Variants in ITGA9 observed in about 807,000 individuals in gnomAD.
The protein encoded by ITGA9 is integrin alpha-9.
Under a neutral mutation model 127.8 loss-of-function variants are expected in ITGA9, and 56 were observed. The ratio of observed to expected loss-of-function variants is 0.44; its 90% CI spans 0.35 to 0.55. The LOEUF (loss-of-function observed/expected upper bound fraction) is 0.55. ITGA9 is among the 20% of genes least tolerant of loss of function. The pLI is 0.00. For synonymous variants in ITGA9, 508 were observed against 514.5 expected (o/e 0.99, Z 0.17); for missense variants, 1,196 against 1,347.1 (o/e 0.89, Z 1.76).
intron 26 of ITGA9, among the ~76,000 whole-genome samples, chr3:37,796,260 A>G (rs1697172336): frequency 6.6e-6 from 1 of 152,036 alleles, no homozygotes; most frequent in Non-Finnish European, 1.5e-5. Context: ...GTTCACTCCC[A>G]TGCCTCTATC....
intron 15 of ITGA9, among the ~76,000 whole-genome samples, chr3:37,596,584 A>G (rs1699872888): frequency 6.6e-6 from 1 of 152,126 alleles, no homozygotes; most frequent in Admixed American, 6.5e-5. Context: ...AGCCCTGAGA[A>G]TGTCCTGCTC....
At chr3:37,726,522 G>A (rs1303238627) in intron 18 of ITGA9, among the ~76,000 whole-genome samples, 1 of 152,246 alleles carries the variant, frequency 6.6e-6, no homozygotes, top group African/African-American at 2.4e-5. Context: ...GAAGGCCAAA[G>A]AGGCTCACTA....
chr3:37,771,121 T>G (rs1304166459), intron 23 of ITGA9, among the ~76,000 whole-genome samples: 1 of 152,124 alleles, frequency 6.6e-6, no homozygotes, highest in Non-Finnish European at 1.5e-5. Context: ...TGAGAAGCAT[T>G]TGGACTCCGG....
At chr3:37,535,930 G>A (rs1699203133) in intron 14 of ITGA9, among the ~76,000 whole-genome samples, 1 of 152,324 alleles carries the variant, frequency 6.6e-6, no homozygotes, top group South Asian at 2.1e-4. Context: ...GCAGTGAAAT[G>A]GAGAGTTTGG....
intron 25 of ITGA9, among the ~76,000 whole-genome samples, chr3:37,783,055 C>T (rs1696996505): frequency 6.6e-6 from 1 of 151,972 alleles, no homozygotes; most frequent in South Asian, 2.1e-4. Context: ...AGAAGAATCG[C>T]TTGAACCTGG....
At chr3:37,722,435 G>A (rs959290620) in intron 18 of ITGA9, among the ~76,000 whole-genome samples, 10 of 152,138 alleles carry the variant, frequency 6.6e-5, no homozygotes, top group African/African-American at 2.2e-4. Flanking sequence ...ACCTCAAAAA[G>A]AACCACCATA....
chr3:37,669,196 A>G (rs1461667852), intron 17 of ITGA9, among the ~76,000 whole-genome samples: 2 of 152,174 alleles, frequency 1.3e-5, no homozygotes. Context: ...GTGCAGGTGC[A>G]CTGCTCCCAG....
chr3:37,738,005 T>C (rs758668040), intron 20 of ITGA9, among the ~76,000 whole-genome samples: 5 of 152,230 alleles, frequency 3.3e-5, no homozygotes, highest in Non-Finnish European at 5.9e-5. Flanking sequence ...AGTATAGTTA[T>C]CACATTCAGG....
intron 18 of ITGA9, among the ~76,000 whole-genome samples, chr3:37,724,502 C>T (rs1244068016): frequency 6.6e-6 from 1 of 152,084 alleles, no homozygotes; most frequent in East Asian, 1.9e-4. Flanking sequence ...AATGCTGTCT[C>T]CTTTTTTTTT....
chr3:37,585,542 A>T (rs77004003), intron 15 of ITGA9: 1 of 495,020 alleles, frequency 2.0e-6, no homozygotes, highest in Non-Finnish European at 4.1e-6. Flanking sequence ...ACAATTAGGG[A>T]GGGATTCTTT....
At chr3:37,501,555 G>C (rs112073166) in intron 5 of ITGA9, among the ~76,000 whole-genome samples, 3 of 152,160 alleles carry the variant, frequency 2.0e-5, no homozygotes, top group Admixed American at 6.5e-5. Context: ...CATCACTTTG[G>C]GAAGTTCCTC....
chr3:37,707,041 T>C (rs1249485252), intron 18 of ITGA9, among the ~76,000 whole-genome samples: 1 of 152,206 alleles, frequency 6.6e-6, no homozygotes, highest in Non-Finnish European at 1.5e-5. Context: ...ACATTAAATC[T>C]AAAAATGTCT....
chr3:37,529,288 G>A (rs1247208267), intron 13 of ITGA9, among the ~76,000 whole-genome samples: 1 of 152,196 alleles, frequency 6.6e-6, no homozygotes, highest in Non-Finnish European at 1.5e-5. Context: ...CCAGATGGTG[G>A]TAGGTGCTGT....
intron 23 of ITGA9, among the ~76,000 whole-genome samples, chr3:37,758,951 T>A (rs1480791540): frequency 6.6e-6 from 1 of 151,986 alleles, no homozygotes; most frequent in Non-Finnish European, 1.5e-5. Flanking sequence ...TAGATCAAGA[T>A]GTTTACATAC....
chr3:37,555,731 A>G (rs1023803231), intron 15 of ITGA9, among the ~76,000 whole-genome samples: 10 of 152,234 alleles, frequency 6.6e-5, no homozygotes, highest in Non-Finnish European at 1.3e-4. Context: ...CAAGTGTACC[A>G]TGGAACATAA....
At chr3:37,532,705 A>C (rs1468520123) in intron 13 of ITGA9, among the ~76,000 whole-genome samples, 1 of 152,138 alleles carries the variant, frequency 6.6e-6, no homozygotes, top group Non-Finnish European at 1.5e-5. Flanking sequence ...ATTGAGTTTC[A>C]TTTGGTCATA....
chr3:37,707,749 A>G (rs1701023079), intron 18 of ITGA9, among the ~76,000 whole-genome samples: 1 of 152,048 alleles, frequency 6.6e-6, no homozygotes, highest in African/African-American at 2.4e-5. Context: ...CTTTCTCTCT[A>G]CTAATGTTTT....
chr3:37,478,505 G>A (rs889447513), intron 3 of ITGA9, among the ~76,000 whole-genome samples: 7 of 152,186 alleles, frequency 4.6e-5, no homozygotes, highest in South Asian at 2.1e-4. Context: ...TATTTGGAGT[G>A]GGACAAGGCC....
Position 37,542,602 on chromosome 3 carries a change from T to A in ITGA9, c.1689+17T>A, listed in dbSNP as rs1296814579. 6.2e-7 allele frequency: 1 copy of A among 1,613,184 alleles called. No homozygotes were observed. The highest frequency in any genetic ancestry group is 8.5e-7 in the Non-Finnish European group (1 of 1,179,330). On this transcript the variant is annotated intron_variant, in intron 15 of 27. Transcript: ENST00000264741. ...CATGTGAAGGTCAGTCCTCTCCTCC[T>A]TTTTATCCTCAAACTTTGATCTCTG...
Sources: gnomAD v4.1 joint callset for allele counts (sites outside exome capture counted in the v4.1 genomes callset) on GRCh38, gnomAD v4.1.1 for gene constraint, MANE v1.5 for transcripts, NCBI Gene and HGNC (gene_info 2026-07-23, HGNC 2026-07-21) for gene names.